KCTD20: variants seen among roughly 807,000 people sequenced by gnomAD.
KCTD20 encodes the protein BTB/POZ domain-containing protein KCTD20.
In KCTD20, 30 loss-of-function variants were observed where a neutral mutation model predicts 39.6. That is an observed-to-expected ratio of 0.76 (90% CI 0.57 to 1.03). The LOEUF (loss-of-function observed/expected upper bound fraction) is 1.03, where lower values mean the gene tolerates loss of function less well. Among genes scored for constraint, KCTD20 ranks in the 50% least tolerant of loss-of-function variants. KCTD20 has a pLI of 0.00. For missense variants in KCTD20, 422 were observed against 522.0 expected (o/e 0.81, Z 1.87); for synonymous variants, 162 against 180.6 (o/e 0.90, Z 0.83).
chr6:36,459,034 C>T (rs1020356415), intron 1 of KCTD20, among the ~76,000 whole-genome samples: 5 of 151,742 alleles, frequency 3.3e-5, no homozygotes, highest in South Asian at 2.1e-4. Context: ...GGCTGGGCAC[C>T]GTGGCCCACG....
chr6:36,462,810 A>C lies in KCTD20; in HGVS notation c.-46-7242A>C, dbSNP rs190436812. On this transcript the variant is annotated intron_variant, in intron 1 of 7. Coordinates refer to ENST00000373731, the MANE Select transcript of KCTD20 (RefSeq NM_173562.5). ...GATACTTACTACCTCACTCCTAGAC[A>C]ATTTTAGTAACCTTCTCTTATAGCC... Among the ~76,000 whole-genome samples, 6 of 152,266 alleles carry C rather than the reference A, an allele frequency of 3.9e-5. No individual in the cohort carries two copies. The East Asian group carries it at 9.6e-4, about 24-fold the overall frequency.
chr6:36,444,447 G>A (rs1774976022), intron 1 of KCTD20, among the ~76,000 whole-genome samples: 1 of 152,176 alleles, frequency 6.6e-6, no homozygotes, highest in Non-Finnish European at 1.5e-5. Context: ...TGCTCTGATG[G>A]TTTAGAGATA....
rs1197029747 is a variant in KCTD20 at position 36,470,216 on chromosome 6, G to A, written c.119G>A (p.Gly40Asp). The change falls in exon 2 of 8, where the codon GGT (glycine) becomes GAT (aspartate). Residue 40 changes from glycine to aspartate, a missense_variant. Gly to Asp is a moderately conservative substitution (Grantham distance 94). Transcript: ENST00000373731. ...GAAGCAAACAGCCTGGCTTCATCTG[G>A]TCCTCATAATCTTACTTATCCTCTA... Reference protein sequence around the residue: ...EKEANSLASSGPHNLTYPLGP... With the variant: ...EKEANSLASSDPHNLTYPLGP... The A allele has an allele frequency of 1.9e-6, 3 of 1,613,932 alleles. No homozygotes were observed. In the Admixed American group the frequency reaches 5.0e-5, roughly 27 times the overall value.
At chr6:36,463,948 C>T (rs960014683) in intron 1 of KCTD20, among the ~76,000 whole-genome samples, 1 of 151,904 alleles carries the variant, frequency 6.6e-6, no homozygotes, top group African/African-American at 2.4e-5. Context: ...TCTTCAACTT[C>T]GGAACCATGT....
intron 1 of KCTD20, among the ~76,000 whole-genome samples, chr6:36,467,537 C>T (rs890117926): frequency 2.7e-5 from 4 of 150,630 alleles, no homozygotes; most frequent in Non-Finnish European, 4.4e-5. Context: ...GGGGTTTCAC[C>T]GTGTTAGCCA....
chr6:36,487,064 T>G lies in KCTD20; in HGVS notation c.1149T>G (p.Asp383Glu). 1 of 1,614,198 alleles carries G rather than the reference T, an allele frequency of 6.2e-7. No homozygotes were observed. Among genetic ancestry groups the G allele is most frequent in the Non-Finnish European group, 8.5e-7 (1 of 1,180,036 alleles). ...TCACGAATCTGGTAGCTGCTGGAGA[T>G]GATGTCTTGGAGGACCAGGAGATAT... ...KSLTNLVAAG[D>E]DVLEDQEILM... is the part of the protein sequence containing the mutation. Residue 383 changes from aspartate to glutamate, a missense_variant, in exon 8 of 8, where the codon GAT becomes GAG. Transcript: ENST00000373731.
intron 2 of KCTD20, among the ~76,000 whole-genome samples, chr6:36,471,477 T>C (rs1775908974): frequency 6.6e-6 from 1 of 152,218 alleles, no homozygotes; most frequent in African/African-American, 2.4e-5. Context: ...ATATTTACTT[T>C]GTAGCGCTTT....
chr6:36,457,087 C>T (rs773803878), intron 1 of KCTD20, among the ~76,000 whole-genome samples: 9 of 152,184 alleles, frequency 5.9e-5, no homozygotes, highest in Middle Eastern at 3.4e-3. Context: ...TGTGAGCCAC[C>T]GTGCCCGGCC....
chr6:36,472,039 AG>A (rs1182187500), intron 2 of KCTD20, among the ~76,000 whole-genome samples: 2 of 151,960 alleles, frequency 1.3e-5, no homozygotes, highest in African/African-American at 4.8e-5. Context: ...TAGTAGAGAC[AG>A]GGTTTCACTG....
rs1561963861 is a variant in KCTD20 at position 36,488,559 on chromosome 6, G to C, written c.*1384G>C. The C allele has an allele frequency of 6.6e-6, 1 of 152,200 alleles. No individual in the cohort carries two copies. The highest frequency in any genetic ancestry group is 1.5e-5 in the Non-Finnish European group (1 of 68,026). 9.4% of individuals were successfully genotyped at this position (152,200 alleles called of 1,614,324 possible). A position where few individuals can be genotyped will look rare whatever the true frequency, so the allele number is the denominator to read the frequency against. On this transcript the variant is annotated 3_prime_UTR_variant, in exon 8 of 8. Coordinates refer to ENST00000373731, the MANE Select transcript of KCTD20 (RefSeq NM_173562.5). ...TGAGTATCTCTTATCCAAAATGCTA[G>C]GGACCAGAAAGGTTTCAGATTTTTT...
chr6:36,482,348 TC>T (rs897717655), intron 6 of KCTD20, among the ~76,000 whole-genome samples: 4 of 147,608 alleles, frequency 2.7e-5, no homozygotes, highest in African/African-American at 1.0e-4. Context: ...GGTCAGGAGT[TC>T]AAGACCAGTC....
chr6:36,486,838 TG>T, intron 7 of KCTD20, 44 bp from the exon 8 acceptor site: 1 of 1,492,670 alleles, frequency 6.7e-7, no homozygotes, highest in Non-Finnish European at 9.2e-7. Flanking sequence ...GACACCAGAG[TG>T]AGCACAATTT....
Position 36,490,380 on chromosome 6 carries a change from CA to C in KCTD20, c.*3212del. The C allele has an allele frequency of 6.6e-6, 1 of 151,760 alleles. No homozygotes were observed. The highest frequency in any genetic ancestry group is 1.5e-5 in the Non-Finnish European group (1 of 67,958). 9.4% of individuals were successfully genotyped at this position (151,760 alleles called of 1,614,324 possible). A position where few individuals can be genotyped will look rare whatever the true frequency, so the allele number is the denominator to read the frequency against. ...TGAAACCCCGTCTCTACTAAAAATACAAAAAAATTAGCCCGGTGTGGTGGCA... is the reference window on the plus strand; with the variant it reads ...TGAAACCCCGTCTCTACTAAAAATACAAAAAATTAGCCCGGTGTGGTGGCA... On this transcript the variant is annotated 3_prime_UTR_variant, in exon 8 of 8. Coordinates refer to ENST00000373731, the MANE Select transcript of KCTD20 (RefSeq NM_173562.5).
At chr6:36,474,735 T>C in intron 2 of KCTD20, 54 bp from the exon 3 acceptor site, 1 of 1,460,488 alleles carries the variant, frequency 6.8e-7, no homozygotes, top group Middle Eastern at 1.8e-4. Flanking sequence ...GGTTTATTTT[T>C]CTCTCAAGGC....
chr6:36,481,962 G>A (rs1776265138), intron 6 of KCTD20, among the ~76,000 whole-genome samples: 1 of 152,144 alleles, frequency 6.6e-6, no homozygotes, highest in South Asian at 2.1e-4. Flanking sequence ...TCTTTCTCTG[G>A]TGTCTCGTAC....
chr6:36,458,680 G>C (rs1379871158), intron 1 of KCTD20, among the ~76,000 whole-genome samples: 1 of 151,598 alleles, frequency 6.6e-6, no homozygotes, highest in African/African-American at 2.4e-5. Context: ...ACTGTGTCTG[G>C]ATTATTACAT....
intron 1 of KCTD20, among the ~76,000 whole-genome samples, chr6:36,450,755 A>C (rs1339265605): frequency 6.6e-6 from 1 of 152,158 alleles, no homozygotes; most frequent in East Asian, 1.9e-4. Flanking sequence ...TTAAATTCCT[A>C]ATTCATCTAT....
chr6:36,474,224 C>G (rs9462188), intron 2 of KCTD20, among the ~76,000 whole-genome samples: 2 of 116,720 alleles, frequency 1.7e-5, no homozygotes, highest in Non-Finnish European at 3.4e-5. Context: ...TCCCTCCCCC[C>G]TCCCCCCACC....
chr6:36,488,002 A>G lies in KCTD20; in HGVS notation c.*827A>G, dbSNP rs772398428. 6.6e-6 allele frequency: 1 copy of G among 152,224 alleles called. No homozygotes were observed. Among genetic ancestry groups the G allele is most frequent in the African/African-American group, 2.4e-5 (1 of 41,456 alleles). The allele number at this position is 152,224 out of a possible 1,614,324, so 9.4% of individuals were successfully genotyped here. Reference sequence around the variant, plus strand: ...AGGTCTTAACACTCTGGAGCAGCACATTGCTGTGGATATGTCCAGGAGACC... The same window carrying G: ...AGGTCTTAACACTCTGGAGCAGCACGTTGCTGTGGATATGTCCAGGAGACC... On this transcript the variant is annotated 3_prime_UTR_variant, in exon 8 of 8. Transcript: ENST00000373731.
Sources: allele counts gnomAD v4.1 joint callset (sites outside exome capture counted in the v4.1 genomes callset), GRCh38; gene constraint gnomAD v4.1.1; transcripts MANE v1.5; gene names NCBI Gene and HGNC (gene_info 2026-07-23, HGNC 2026-07-21).